ATP6V1C1: variants seen among roughly 807,000 people sequenced by gnomAD.
ATP6V1C1 encodes the protein ATPase H+ transporting V1 subunit C1.
Under a neutral mutation model 53.9 loss-of-function variants are expected in ATP6V1C1, and 45 were observed. That is an observed-to-expected ratio of 0.83 (90% CI 0.66 to 1.07). The LOEUF is 1.07. Among genes scored for constraint, ATP6V1C1 ranks in the 50% least tolerant of loss-of-function variants. The pLI, the probability that ATP6V1C1 is intolerant of heterozygous loss-of-function variation, is 0.00. For missense variants in ATP6V1C1, 315 were observed against 440.3 expected (o/e 0.72, Z 2.55); for synonymous variants, 153 against 155.2 (o/e 0.99, Z 0.11).
chr8:103,064,193 C>T (rs2454030), intron 10 of ATP6V1C1, among the ~76,000 whole-genome samples: 121,977 of 152,164 alleles, frequency 0.8, 49,243 homozygotes, highest in African/African-American at 0.87. Context: ...TAACGCTATA[C>T]AATTTAGAAT....
In ATP6V1C1 at chr8:103,070,116, ATATC is replaced by A. The variant is rs1412584840; in HGVS notation, c.*1372_*1375del. The A allele has an allele frequency of 6.6e-6, 1 of 152,214 alleles. No individual in the cohort carries two copies. 9.4% of individuals were successfully genotyped at this position (152,214 alleles called of 1,614,324 possible). On this transcript the variant is annotated 3_prime_UTR_variant, in exon 13 of 13. Coordinates refer to ENST00000518738, the MANE Select transcript of ATP6V1C1 (RefSeq NM_001695.5). Reference sequence around the variant, plus strand: ...GTCACTTGCTTTTTTGCTTAAGAGTATATCTAAGAGAATCCTTTGTGTCAGTGAA... The same window carrying A: ...GTCACTTGCTTTTTTGCTTAAGAGTATAAGAGAATCCTTTGTGTCAGTGAA...
chr8:103,042,592 T>G (rs939142267), intron 3 of ATP6V1C1, among the ~76,000 whole-genome samples, 185 bp downstream of exon 3: 1 of 152,230 alleles, frequency 6.6e-6, no homozygotes, highest in Non-Finnish European at 1.5e-5. Flanking sequence ...GTTTGAAATA[T>G]GAAAATGCTG....
At position 103,054,127 on chromosome 8, in the gene ATP6V1C1, A is replaced by T. The variant is rs192553029; in HGVS notation, c.572+145A>T. Reference sequence around the variant, plus strand: ...TTCATTCTGTCATCAACATTTGCTCATGTGGCACATAAAGTAGAAATTAGA... The same window carrying T: ...TTCATTCTGTCATCAACATTTGCTCTTGTGGCACATAAAGTAGAAATTAGA... On this transcript the variant is annotated intron_variant, in intron 7 of 12. Transcript: ENST00000518738. 3 of 559,894 alleles carry T rather than the reference A, an allele frequency of 5.4e-6. No individual in the cohort carries two copies. The Admixed American group carries it at 1.1e-4, about 21-fold the overall frequency. 34.7% of individuals were successfully genotyped at this position (559,894 alleles called of 1,614,324 possible).
At chr8:103,031,585 A>C (rs1028522621) in intron 1 of ATP6V1C1, among the ~76,000 whole-genome samples, 2 of 152,132 alleles carry the variant, frequency 1.3e-5, no homozygotes, top group African/African-American at 4.8e-5. Flanking sequence ...TTTCAAGGTA[A>C]CGTTACTACA....
intron 2 of ATP6V1C1, 53 bp from the exon 3 acceptor site, chr8:103,042,287 T>G: frequency 4.0e-6 from 6 of 1,516,934 alleles, no homozygotes; most frequent in Non-Finnish European, 5.4e-6. Context: ...ATCATCTTGT[T>G]TTTTTTTTTT....
intron 1 of ATP6V1C1, among the ~76,000 whole-genome samples, chr8:103,026,823 A>T (rs1181125564): frequency 6.6e-6 from 1 of 152,218 alleles, no homozygotes; most frequent in East Asian, 1.9e-4. Flanking sequence ...CAAAAAAAAT[A>T]AAAAGGCATA....
At chr8:103,035,051 T>C (rs1399575413) in intron 1 of ATP6V1C1, among the ~76,000 whole-genome samples, 2 of 152,234 alleles carry the variant, frequency 1.3e-5, no homozygotes, top group African/African-American at 4.8e-5. Context: ...TACTTAGAGT[T>C]AGTTTGCTTT....
intron 1 of ATP6V1C1, among the ~76,000 whole-genome samples, chr8:103,030,126 C>T (rs1310683080): frequency 2.6e-5 from 4 of 151,646 alleles, no homozygotes; most frequent in African/African-American, 4.8e-5. Flanking sequence ...ATGTTGGAGA[C>T]ATTTATTCAA....
intron 1 of ATP6V1C1, among the ~76,000 whole-genome samples, chr8:103,027,642 G>GT (rs74799290): frequency 0.042 from 6,054 of 142,650 alleles, 333 homozygotes; most frequent in African/African-American, 0.13. Flanking sequence ...TGGATCTAGG[G>GT]TTTTTTTTTT....
intron 8 of ATP6V1C1, 35 bp from the exon 9 acceptor site, chr8:103,062,920 A>T: frequency 6.3e-7 from 1 of 1,591,554 alleles, no homozygotes; most frequent in Non-Finnish European, 8.6e-7. Context: ...AGCAATACGT[A>T]TAAATCTTTA....
In ATP6V1C1 at chr8:103,070,006, T is replaced by A. The variant is rs1817557928; in HGVS notation, c.*1259T>A. ...GTATTTTTCTAGGCCCTTTTCTATG[T>A]CTTTACATCTCTGTCTCACACACAC... On this transcript the variant is annotated 3_prime_UTR_variant, in exon 13 of 13. Coordinates refer to ENST00000518738, the MANE Select transcript of ATP6V1C1 (RefSeq NM_001695.5). 2 of 152,218 alleles carry A rather than the reference T, an allele frequency of 1.3e-5. No individual in the cohort carries two copies. Among genetic ancestry groups the A allele is most frequent in the Non-Finnish European group, 2.9e-5 (2 of 68,032 alleles). 9.4% of individuals were successfully genotyped at this position (152,218 alleles called of 1,614,324 possible).
At position 103,073,049 on chromosome 8, in the gene ATP6V1C1, C is replaced by G. The variant is rs902586616; in HGVS notation, c.*4302C>G. 2 of 152,152 alleles carry G rather than the reference C, an allele frequency of 1.3e-5. No homozygotes were observed. The highest frequency in any genetic ancestry group is 2.9e-5 in the Non-Finnish European group (2 of 68,020). The allele number at this position is 152,152 out of a possible 1,614,324, so 9.4% of individuals were successfully genotyped here. ...GGAATTTAATAAAAATGCTCATTAC[C>G]AAGCTCCAGAGAGATGTGGTTTAAA... On this transcript the variant is annotated 3_prime_UTR_variant, in exon 13 of 13. Coordinates refer to ENST00000518738, the MANE Select transcript of ATP6V1C1 (RefSeq NM_001695.5).
At chr8:103,037,362 AAGAG>A (rs1379326625) in intron 1 of ATP6V1C1, among the ~76,000 whole-genome samples, 2 of 152,062 alleles carry the variant, frequency 1.3e-5, no homozygotes, top group Non-Finnish European at 2.9e-5. Flanking sequence ...ATTAAAAAAA[AAGAG>A]AGACAGGGTC....
intron 1 of ATP6V1C1, among the ~76,000 whole-genome samples, chr8:103,038,872 C>T (rs1233896237): frequency 6.6e-6 from 1 of 152,160 alleles, no homozygotes; most frequent in Non-Finnish European, 1.5e-5. Context: ...TGAGTAGCTT[C>T]CATCCTTGGA....
intron 3 of ATP6V1C1, among the ~76,000 whole-genome samples, chr8:103,045,573 A>T (rs1276731481): frequency 6.6e-6 from 1 of 152,182 alleles, no homozygotes; most frequent in Non-Finnish European, 1.5e-5. Flanking sequence ...TATAGTGAAA[A>T]TAATTATGAT....
intron 6 of ATP6V1C1, among the ~76,000 whole-genome samples, chr8:103,053,347 C>T (rs958464782): frequency 2.0e-5 from 3 of 151,794 alleles, no homozygotes; most frequent in Non-Finnish European, 2.9e-5. Context: ...CCTTCATATC[C>T]TAGAGGGAAA....
chr8:103,060,168 A>G (rs529299256), intron 8 of ATP6V1C1, among the ~76,000 whole-genome samples: 3 of 152,004 alleles, frequency 2.0e-5, no homozygotes, highest in East Asian at 1.9e-4. Flanking sequence ...AGGTTTCACT[A>G]TGTCGGCCAG....
At chr8:103,051,240 G>A in intron 5 of ATP6V1C1, 96 bp downstream of exon 5, 3 of 867,482 alleles carry the variant, frequency 3.5e-6, no homozygotes, top group South Asian at 1.8e-5. Context: ...GTTTTGATAA[G>A]GCAACTTAAT....
At chr8:103,065,781 T>C (rs889726153) in intron 11 of ATP6V1C1, among the ~76,000 whole-genome samples, 3 of 152,098 alleles carry the variant, frequency 2.0e-5, no homozygotes, top group Non-Finnish European at 4.4e-5. Context: ...TGGTGGCTCA[T>C]GCCTGTAGTC....
Sources: allele counts gnomAD v4.1 joint callset (sites outside exome capture counted in the v4.1 genomes callset), GRCh38; gene constraint gnomAD v4.1.1; transcripts MANE v1.5; gene names NCBI Gene and HGNC (gene_info 2026-07-23, HGNC 2026-07-21).